Variants in CSMD1 observed in about 807,000 individuals in gnomAD.
CSMD1 encodes CUB and Sushi multiple domains 1, also known as CUB and sushi domain-containing protein 1.
A neutral mutation model predicts 417.5 loss-of-function variants in CSMD1; 213 were observed. The observed-to-expected ratio is 0.51, with a 90% CI of 0.46 to 0.57. CSMD1 has a LOEUF of 0.57. Among genes scored for constraint, CSMD1 ranks in the 20% least tolerant of loss-of-function variants. CSMD1 has a pLI of 0.00. For synonymous variants in CSMD1, 2,862 were observed against 1,736.8 expected, an observed-to-expected ratio of 1.65 and a Z score of -16.11; for missense variants, 6,923 against 4,529.7, an observed-to-expected ratio of 1.53 and a Z score of -15.17.
At chr8:3,357,395 C>T (rs958823151) in intron 21 of CSMD1, among the ~76,000 whole-genome samples, 2 of 152,176 alleles carry the variant, frequency 1.3e-5, no homozygotes, top group African/African-American at 4.8e-5. Flanking sequence ...GCATTTACTT[C>T]GTAGAATTGT....
intron 46 of CSMD1, among the ~76,000 whole-genome samples, chr8:3,106,222 CA>C (rs71199537): frequency 0.018 from 2,290 of 126,202 alleles, 73 homozygotes; most frequent in African/African-American, 0.065. Context: ...CCCATTTCTA[CA>C]AAAAAAAAAA....
intron 12 of CSMD1, among the ~76,000 whole-genome samples, chr8:3,454,810 G>C (rs1242803259): frequency 6.6e-6 from 1 of 152,092 alleles, no homozygotes; most frequent in Non-Finnish European, 1.5e-5. Flanking sequence ...TCTTCTCGAG[G>C]AGTATCTTTG....
chr8:3,271,270 A>C (rs1346683142), intron 26 of CSMD1, among the ~76,000 whole-genome samples: 2 of 151,952 alleles, frequency 1.3e-5, no homozygotes, highest in Non-Finnish European at 2.9e-5. Flanking sequence ...ATCATTTTTT[A>C]AGGCTGCATA....
chr8:4,832,340 C>T (rs977682605), intron 1 of CSMD1, among the ~76,000 whole-genome samples: 1 of 152,082 alleles, frequency 6.6e-6, no homozygotes, highest in African/African-American at 2.4e-5. Flanking sequence ...AGATGCAATG[C>T]CTGAGTGGTA....
rs143126175 is a variant in CSMD1 at position 3,712,980 on chromosome 8, G to A, written c.932-4489C>T. On this transcript the variant is annotated intron_variant, in intron 6 of 69. Transcript: ENST00000635120. ...ATGTATTGTGTGCTTCAAAGGTGCT[G>A]AGAGTTGACTTTAGGTTTTCTCATC... Among the ~76,000 whole-genome samples the A allele has an allele frequency of 3.8e-3, 586 of 152,234 alleles. 7 individuals carry two copies. Among genetic ancestry groups the A allele is most frequent in the African/African-American group, 0.013 (550 of 41,536 alleles).
At chr8:3,617,192 G>C (rs1223691908) in intron 7 of CSMD1, among the ~76,000 whole-genome samples, 2 of 152,134 alleles carry the variant, frequency 1.3e-5, no homozygotes, top group Non-Finnish European at 2.9e-5. Flanking sequence ...TGACAACAGA[G>C]ATGATATTTA....
intron 1 of CSMD1, among the ~76,000 whole-genome samples, chr8:4,919,493 T>A (rs1178870283): frequency 6.6e-6 from 1 of 152,222 alleles, no homozygotes; most frequent in East Asian, 1.9e-4. Flanking sequence ...TTGAAGCATG[T>A]TATCGGTCAT....
intron 1 of CSMD1, among the ~76,000 whole-genome samples, chr8:4,745,874 G>A (rs565612437): frequency 1.3e-5 from 2 of 152,286 alleles, no homozygotes; most frequent in South Asian, 4.1e-4. Flanking sequence ...AAGGGCTTCT[G>A]AGCTTGATCC....
intron 3 of CSMD1, among the ~76,000 whole-genome samples, chr8:4,361,060 T>G (rs1469554486): frequency 2.0e-5 from 3 of 152,234 alleles, no homozygotes; most frequent in Non-Finnish European, 4.4e-5. Flanking sequence ...ACTGGATTTT[T>G]CGTGCCCAAC....
At chr8:3,574,882 C>G (rs1800083535) in intron 10 of CSMD1, 63 bp downstream of exon 10, 2 of 1,539,444 alleles carry the variant, frequency 1.3e-6, no homozygotes, top group Non-Finnish European at 1.8e-6. Context: ...CTGTTTGCTT[C>G]AACAATAGAT....
intron 26 of CSMD1, among the ~76,000 whole-genome samples, chr8:3,272,468 A>C (rs1444004686): frequency 6.7e-6 from 1 of 149,270 alleles, no homozygotes; most frequent in African/African-American, 2.5e-5. Context: ...TTCTGGGAAG[A>C]AAGTCATTGG....
intron 49 of CSMD1, among the ~76,000 whole-genome samples, chr8:3,075,782 C>G (rs979891547): frequency 6.6e-6 from 1 of 151,278 alleles, no homozygotes; most frequent in African/African-American, 2.4e-5. Flanking sequence ...TGGCTCATGC[C>G]TGTAATCTCA....
At chr8:4,506,653 A>G (rs1802542237) in intron 2 of CSMD1, among the ~76,000 whole-genome samples, 1 of 152,160 alleles carries the variant, frequency 6.6e-6, no homozygotes, top group Non-Finnish European at 1.5e-5. Context: ...ATAAGACCCT[A>G]TAATTTCAGT....
intron 5 of CSMD1, among the ~76,000 whole-genome samples, chr8:3,983,881 G>T (rs924470097): frequency 2.6e-5 from 4 of 151,684 alleles, no homozygotes; most frequent in African/African-American, 9.7e-5. Context: ...CAGATCTAAT[G>T]GGACTGTCAA....
chr8:3,491,897 T>A (rs958784640), intron 11 of CSMD1, among the ~76,000 whole-genome samples: 2 of 152,066 alleles, frequency 1.3e-5, no homozygotes, highest in African/African-American at 4.8e-5. Context: ...AGAGACAGAA[T>A]GAGAGTTTAA....
chr8:2,957,933 C>A, intron 62 of CSMD1, 126 bp from the exon 63 acceptor site: 1 of 646,494 alleles, frequency 1.5e-6, no homozygotes, highest in Admixed American at 2.4e-5. Context: ...TGTCAAGCCA[C>A]TGTCTAAGTC....
Position 3,097,497 on chromosome 8 carries a change from T to G in CSMD1, c.6950-460A>C, listed in dbSNP as rs533805154. Among the ~76,000 whole-genome samples the G allele has an allele frequency of 2.4e-4, 37 of 152,270 alleles. No homozygotes were observed. In the South Asian group the frequency reaches 7.7e-3, roughly 32 times the overall value. On this transcript the variant is annotated intron_variant, in intron 46 of 69. Coordinates refer to ENST00000635120, the MANE Select transcript of CSMD1 (RefSeq NM_033225.6). ...TGGGGATACATTCCAAGAGCCCTAG[T>G]GATGCCTGATGCTGCAGATGGTCCA...
intron 3 of CSMD1, among the ~76,000 whole-genome samples, chr8:4,387,220 C>T (rs1001845696): frequency 6.6e-6 from 1 of 152,084 alleles, no homozygotes; most frequent in Non-Finnish European, 1.5e-5. Flanking sequence ...TTTGTCTAAA[C>T]AAATGTAAAT....
chr8:3,396,396 A>G lies in CSMD1; in HGVS notation c.2406-15T>C. 6.5e-7 allele frequency: 1 copy of G among 1,530,326 alleles called. No individual in the cohort carries two copies. The highest frequency in any genetic ancestry group is 1.3e-5 in the South Asian group (1 of 77,080). The allele number at this position is 1,530,326 out of a possible 1,614,324, so 94.8% of individuals were successfully genotyped here. A position where few individuals can be genotyped will look rare whatever the true frequency, so the allele number is the denominator to read the frequency against. ...CTGTCTGAAATCTGCAAATATATAC[A>G]TCCCATCAGAAAAGACATGCAGAAC... is the stretch of plus-strand genomic sequence containing the variant. On this transcript the variant is annotated splice_polypyrimidine_tract_variant and intron_variant, in intron 16 of 69. Coordinates refer to ENST00000635120, the MANE Select transcript of CSMD1 (RefSeq NM_033225.6).
Sources: allele counts gnomAD v4.1 joint callset (sites outside exome capture counted in the v4.1 genomes callset), GRCh38; gene constraint gnomAD v4.1.1; transcripts MANE v1.5; gene names NCBI Gene and HGNC (gene_info 2026-07-23, HGNC 2026-07-21).